ARID2: variants seen among roughly 807,000 people sequenced by gnomAD.
ARID2 encodes the protein AT-rich interactive domain-containing protein 2.
ARID2 carries 32 observed loss-of-function variants against 184.6 expected under a neutral mutation model. That is an observed-to-expected ratio of 0.17 (90% confidence interval 0.13 to 0.23). The LOEUF (loss-of-function observed/expected upper bound fraction) is 0.23, where lower values mean the gene tolerates loss of function less well. ARID2 is among the 10% of genes least tolerant of loss of function. The pLI, the probability that ARID2 is intolerant of heterozygous loss-of-function variation, is 1.00. For missense variants in ARID2, 1,696 were observed against 2,197.6 expected (o/e 0.77, Z 4.56); for synonymous variants, 836 against 772.6 (o/e 1.08, Z -1.36).
In ARID2 at chr12:45,851,887, G is replaced by A. The variant is rs754383773; in HGVS notation, c.3764G>A (p.Gly1255Asp). ...GAGGAGGAAGCAAAGGAAGCAACAG[G>A]TTTACATGTTCATGAACGTAAAATT... ...QKEEEAKEAT[G>D]LHVHERKIEV... Residue 1255 changes from glycine (G) to aspartate (D), a missense_variant, in exon 15 of 21, where the codon GGT becomes GAT. By Grantham distance (94) the Gly-to-Asp change is moderately conservative. Coordinates refer to ENST00000334344, the MANE Select transcript of ARID2 (RefSeq NM_152641.4). 2 of 1,614,182 alleles carry A rather than the reference G, an allele frequency of 1.2e-6. No homozygotes were observed. The highest frequency in any genetic ancestry group is 1.7e-6 in the Non-Finnish European group (2 of 1,180,020).
intron 3 of ARID2, among the ~76,000 whole-genome samples, chr12:45,803,277 A>C (rs1942540396): frequency 1.3e-5 from 2 of 152,156 alleles, no homozygotes; most frequent in Non-Finnish European, 2.9e-5. Context: ...AATTTGCTCT[A>C]ATCCTTGTTT....
intron 16 of ARID2, among the ~76,000 whole-genome samples, chr12:45,869,201 G>A (rs1943878484): frequency 6.6e-6 from 1 of 152,028 alleles, no homozygotes; most frequent in African/African-American, 2.4e-5. Context: ...ATTTTTAGTA[G>A]GGACAGGGTT....
At chr12:45,743,209 AC>A (rs376045436) in intron 3 of ARID2, among the ~76,000 whole-genome samples, 67 of 151,866 alleles carry the variant, frequency 4.4e-4, no homozygotes, top group African/African-American at 1.3e-3. Context: ...AAAAAAAAAA[AC>A]ATACAAAAAT....
intron 3 of ARID2, among the ~76,000 whole-genome samples, chr12:45,780,629 A>G (rs1269463423): frequency 6.6e-6 from 1 of 151,792 alleles, no homozygotes; most frequent in Non-Finnish European, 1.5e-5. Context: ...TATTATTATT[A>G]TTTTTGGAGA....
chr12:45,784,108 G>T (rs1398997000), intron 3 of ARID2, among the ~76,000 whole-genome samples: 1 of 152,154 alleles, frequency 6.6e-6, no homozygotes, highest in Non-Finnish European at 1.5e-5. Flanking sequence ...TCCCACCTCA[G>T]CCTCCTGAGT....
rs1368035837 is a variant in ARID2 at position 45,891,667 on chromosome 12, A to G, written c.4923-113A>G. 51 of 1,155,448 alleles carry G rather than the reference A, an allele frequency of 4.4e-5. No individual in the cohort carries two copies. The South Asian group carries it at 8.2e-4, about 19-fold the overall frequency. The allele number at this position is 1,155,448 out of a possible 1,614,324, so 71.6% of individuals were successfully genotyped here. On this transcript the variant is annotated intron_variant, in intron 16 of 20. Transcript: ENST00000334344. The stretch of plus-strand genomic sequence containing the variant: ...AGGGATGTTAAAACAATTTACCAAA[A>G]GTGTTCAGTACAACTGATGATTCCA...
At chr12:45,733,763 GTTA>G (rs1941051145) in intron 3 of ARID2, among the ~76,000 whole-genome samples, 1 of 152,076 alleles carries the variant, frequency 6.6e-6, no homozygotes, top group South Asian at 2.1e-4. Context: ...ATAGTGTTTT[GTTA>G]TTTTTGATAC....
intron 3 of ARID2, among the ~76,000 whole-genome samples, chr12:45,739,355 A>G (rs1941201024): frequency 1.3e-5 from 2 of 149,236 alleles, no homozygotes; most frequent in Admixed American, 6.7e-5. Flanking sequence ...GGTATATTCC[A>G]TGTTCCAGGT....
chr12:45,804,489 C>T (rs201506367), intron 3 of ARID2, among the ~76,000 whole-genome samples: 78 of 146,572 alleles, frequency 5.3e-4, no homozygotes, highest in Admixed American at 1.2e-3. Context: ...CGTGTGTGTG[C>T]GTGTGTGTGT....
intron 3 of ARID2, among the ~76,000 whole-genome samples, chr12:45,739,010 C>T (rs1379144640): frequency 6.6e-6 from 1 of 151,318 alleles, no homozygotes. Context: ...CTCTTGTTAC[C>T]CAGGCTAGAG....
chr12:45,733,745 A>G (rs893128295), intron 3 of ARID2, among the ~76,000 whole-genome samples: 1 of 152,220 alleles, frequency 6.6e-6, no homozygotes, highest in Non-Finnish European at 1.5e-5. Flanking sequence ...CTGGCCATGT[A>G]TATTTTAATA....
chr12:45,789,180 A>G (rs1942247696), intron 3 of ARID2: 1 of 152,234 alleles, frequency 6.6e-6, no homozygotes, highest in Admixed American at 6.5e-5. Flanking sequence ...TCTGTAGAAT[A>G]ATGACAACCA....
intron 4 of ARID2, among the ~76,000 whole-genome samples, chr12:45,814,998 A>G (rs186175551): frequency 9.1e-4 from 138 of 152,348 alleles, no homozygotes; most frequent in African/African-American, 3.2e-3. Flanking sequence ...TGTTATGTTT[A>G]TCTTACTCTA....
chr12:45,796,055 A>G (rs1942386694), intron 3 of ARID2, among the ~76,000 whole-genome samples: 1 of 151,954 alleles, frequency 6.6e-6, no homozygotes, highest in Admixed American at 6.6e-5. Context: ...TGACATTTAG[A>G]TTTCTTTTTT....
At chr12:45,739,438 CTTTTTTTTTTT>C (rs71067906) in intron 3 of ARID2, among the ~76,000 whole-genome samples, 3 of 90,780 alleles carry the variant, frequency 3.3e-5, no homozygotes, top group Non-Finnish European at 5.9e-5. Flanking sequence ...TATAAAGTTA[CTTTTTTTTTTT>C]TTTTTTTTTT....
intron 6 of ARID2, 50 bp from the exon 7 acceptor site, chr12:45,836,539 A>G (rs1943222966): frequency 1.3e-6 from 2 of 1,526,526 alleles, no homozygotes; most frequent in Non-Finnish European, 1.8e-6. Context: ...TTCTAAAGCA[A>G]TAGAATAGTT....
chr12:45,757,812 G>A (rs1941597520), intron 3 of ARID2, among the ~76,000 whole-genome samples: 1 of 152,190 alleles, frequency 6.6e-6, no homozygotes. Context: ...CTTTTGTCAT[G>A]TGAATGCAGT....
At chr12:45,814,611 A>G (rs565227728) in intron 4 of ARID2, among the ~76,000 whole-genome samples, 1 of 152,138 alleles carries the variant, frequency 6.6e-6, no homozygotes, top group East Asian at 1.9e-4. Context: ...AATCCACAGC[A>G]CTCCAGTAGC....
In ARID2 at chr12:45,836,805, C is replaced by T. The variant is rs377766603; in HGVS notation, c.837C>T (p.Asn279=). 6.8e-6 allele frequency: 11 copies of T among 1,613,946 alleles called. No individual in the cohort carries two copies. In the South Asian group the frequency reaches 7.7e-5, roughly 11 times the overall value. ...LFHPPRKLGI[N]DIEGQRVLQI... is the part of the protein sequence containing the mutation. The stretch of plus-strand genomic sequence containing the variant: ...ATCCACCTCGAAAGCTGGGCATTAA[C>T]GATATTGAAGGACAGCGGGTACTTC... The change falls in exon 8 of 21, where the codon AAC becomes AAT. Residue 279 remains asparagine (N), a synonymous_variant. Coordinates refer to ENST00000334344, the MANE Select transcript of ARID2 (RefSeq NM_152641.4).
Sources: gnomAD v4.1 joint callset for allele counts (sites outside exome capture counted in the v4.1 genomes callset) on GRCh38, gnomAD v4.1.1 for gene constraint, MANE v1.5 for transcripts, NCBI Gene and HGNC (gene_info 2026-07-23, HGNC 2026-07-21) for gene names.